Variants in CMTM7 observed in about 807,000 individuals in gnomAD.
CMTM7 encodes the protein CKLF like MARVEL transmembrane domain containing 7.
Under a neutral mutation model 19.3 loss-of-function variants are expected in CMTM7, and 7 were observed. The observed-to-expected ratio is 0.36, with a 90% CI of 0.21 to 0.68. The LOEUF is 0.68. Among genes scored for constraint, CMTM7 ranks in the 30% least tolerant of loss-of-function variants. The pLI, the probability that CMTM7 is intolerant of heterozygous loss-of-function variation, is 0.60. For missense variants in CMTM7, 193 were observed against 232.6 expected (o/e 0.83, Z 1.11); for synonymous variants, 87 against 99.3 (o/e 0.88, Z 0.74).
chr3:32,432,088 C>A (rs1437847467), intron 1 of CMTM7, among the ~76,000 whole-genome samples: 1 of 152,228 alleles, frequency 6.6e-6, no homozygotes, highest in African/African-American at 2.4e-5. Context: ...TCAGATAGAC[C>A]TGGATTTGCT....
chr3:32,400,220 A>G (rs1031682691), intron 1 of CMTM7, among the ~76,000 whole-genome samples: 94 of 151,024 alleles, frequency 6.2e-4, no homozygotes, highest in Admixed American at 8.6e-4. Context: ...GGGTTTCTCC[A>G]TGTTGGCCAG....
intron 1 of CMTM7, among the ~76,000 whole-genome samples, chr3:32,407,784 G>A (rs919542103): frequency 6.6e-6 from 1 of 152,194 alleles, no homozygotes; most frequent in African/African-American, 2.4e-5. Context: ...GTGCTGACGG[G>A]AAGTCTACGA....
rs375932773 is a variant in CMTM7, at chr3:32,454,303, G to A, written c.*49G>A. On this transcript the variant is annotated 3_prime_UTR_variant, in exon 5 of 5. Coordinates refer to ENST00000334983, the MANE Select transcript of CMTM7 (RefSeq NM_138410.4). ...TCAGGAGCTTTGCAGAGAGGAGGAC[G>A]TGTACTCCAGGCGAGGCCTCTGGAC... 4.5e-5 allele frequency: 72 copies of A among 1,608,816 alleles called. No homozygotes were observed. The Middle Eastern group carries it at 4.9e-4, about 11-fold the overall frequency.
At chr3:32,403,413 G>A (rs547735685) in intron 1 of CMTM7, among the ~76,000 whole-genome samples, 7 of 152,070 alleles carry the variant, frequency 4.6e-5, no homozygotes, top group Non-Finnish European at 8.8e-5. Context: ...CGGTTTTGCC[G>A]TGTTGCTAAG....
At chr3:32,431,532 C>T (rs189699423) in intron 1 of CMTM7, among the ~76,000 whole-genome samples, 1 of 152,260 alleles carries the variant, frequency 6.6e-6, no homozygotes, top group African/African-American at 2.4e-5. Context: ...AAACTATGGA[C>T]TTGCCTTCTG....
At chr3:32,426,829 T>C (rs1696440520) in intron 1 of CMTM7, among the ~76,000 whole-genome samples, 1 of 152,194 alleles carries the variant, frequency 6.6e-6, no homozygotes, top group African/African-American at 2.4e-5. Flanking sequence ...TTTTTTTAGA[T>C]TATTTGATAA....
At chr3:32,412,480 G>GACACACACACAC (rs3081435) in intron 1 of CMTM7, among the ~76,000 whole-genome samples, 24 of 120,464 alleles carry the variant, frequency 2.0e-4, no homozygotes, top group Non-Finnish European at 2.4e-4. Context: ...GATTGAGACT[G>GACACACACACAC]ACACACACAC....
intron 1 of CMTM7, among the ~76,000 whole-genome samples, chr3:32,421,991 C>T (rs1266959440): frequency 6.6e-6 from 1 of 151,756 alleles, no homozygotes; most frequent in Admixed American, 6.6e-5. Flanking sequence ...CTAGCCCCTA[C>T]TGTCTGTGTT....
Position 32,454,468 on chromosome 3 carries a change from T to C in CMTM7, c.*214T>C, listed in dbSNP as rs1696881118. The C allele has an allele frequency of 1.4e-6, 1 of 706,318 alleles. No individual in the cohort carries two copies. Among genetic ancestry groups the C allele is most frequent in the South Asian group, 1.5e-5 (1 of 66,870 alleles). The allele number at this position is 706,318 out of a possible 1,614,324, so 43.8% of individuals were successfully genotyped here. A position where few individuals can be genotyped will look rare whatever the true frequency, so the allele number is the denominator to read the frequency against. ...TTCCTCCAGCCTTCCGGGGAGAACA[T>C]CCCTCCCATTCTGGGAAAGGAAAGC... On this transcript the variant is annotated 3_prime_UTR_variant, in exon 5 of 5. Transcript: ENST00000334983.
intron 1 of CMTM7, among the ~76,000 whole-genome samples, chr3:32,408,564 CAG>C (rs10530599): frequency 0.34 from 51,750 of 151,860 alleles, 10,391 homozygotes; most frequent in South Asian, 0.47. Flanking sequence ...ACAATAAAGA[CAG>C]AAGAAAACAT....
At chr3:32,451,632 C>T (rs1023223238) in intron 3 of CMTM7, 3 of 180,808 alleles carry the variant, frequency 1.7e-5, no homozygotes, top group African/African-American at 2.4e-5. Context: ...CTGCAGCTGC[C>T]GGTGTTGTTC....
intron 1 of CMTM7, among the ~76,000 whole-genome samples, chr3:32,414,995 CCT>C (rs1696238396): frequency 6.6e-6 from 1 of 152,042 alleles, no homozygotes; most frequent in African/African-American, 2.4e-5. Flanking sequence ...TATTGTCTTG[CCT>C]CTCTTCTGTA....
chr3:32,418,010 C>A (rs1696292372), intron 1 of CMTM7, among the ~76,000 whole-genome samples: 1 of 152,052 alleles, frequency 6.6e-6, no homozygotes, highest in South Asian at 2.1e-4. Flanking sequence ...TTTGTAGAGA[C>A]CAGGTTTCCC....
chr3:32,415,650 T>G (rs1169422633), intron 1 of CMTM7, among the ~76,000 whole-genome samples: 1 of 152,226 alleles, frequency 6.6e-6, no homozygotes, highest in Non-Finnish European at 1.5e-5. Flanking sequence ...GCAGATCTTC[T>G]CTGAAGTATT....
chr3:32,449,313 CT>C lies in CMTM7; in HGVS notation c.334-140del. ...TGTTGGCTGCCTGCGAGCGGCTCTG[CT>C]CATCCCATTTGCGTGTTGCAAGGGA... On this transcript the variant is annotated intron_variant, in intron 2 of 4. Coordinates refer to ENST00000334983, the MANE Select transcript of CMTM7 (RefSeq NM_138410.4). The surrounding 1 kb of genome is among the most constrained non-coding windows in gnomAD (Gnocchi z 4.5). 1.4e-6 allele frequency: 1 copy of C among 713,968 alleles called. No individual in the cohort carries two copies. The highest frequency in any genetic ancestry group is 2.6e-6 in the Non-Finnish European group (1 of 388,898). The allele number at this position is 713,968 out of a possible 1,614,324, so 44.2% of individuals were successfully genotyped here.
At chr3:32,426,949 A>G (rs545603360) in intron 1 of CMTM7, among the ~76,000 whole-genome samples, 93 of 152,368 alleles carry the variant, frequency 6.1e-4, no homozygotes, top group African/African-American at 2.2e-3. Flanking sequence ...GCTATATTAT[A>G]TACTTACTTT....
chr3:32,419,051 A>G (rs1012319870), intron 1 of CMTM7, among the ~76,000 whole-genome samples: 2 of 152,202 alleles, frequency 1.3e-5, no homozygotes, highest in African/African-American at 4.8e-5. Flanking sequence ...CCAATTATTT[A>G]GGTCTTTGAT....
At chr3:32,406,727 T>G (rs963050413) in intron 1 of CMTM7, among the ~76,000 whole-genome samples, 4 of 152,148 alleles carry the variant, frequency 2.6e-5, no homozygotes, top group African/African-American at 9.7e-5. Context: ...TGCAACTGGT[T>G]TATTGAGCGA....
At chr3:32,454,167 C>T (rs912901466) in intron 4 of CMTM7, 74 bp from the exon 5 acceptor site, 2 of 1,510,390 alleles carry the variant, frequency 1.3e-6, no homozygotes, top group Non-Finnish European at 1.8e-6. Flanking sequence ...AACTTGGAGT[C>T]AAACCTGTGG....
Sources: gnomAD v4.1 joint callset for allele counts (sites outside exome capture counted in the v4.1 genomes callset) on GRCh38, gnomAD v4.1.1 for gene constraint, Gnocchi (gnomAD v3.1) non-coding constraint, MANE v1.5 for transcripts, NCBI Gene and HGNC (gene_info 2026-07-23, HGNC 2026-07-21) for gene names.